The following ACSBG2 variants were observed in gnomAD, a reference collection of about 807,000 sequenced individuals.
The protein encoded by ACSBG2 is long-chain-fatty-acid--CoA ligase ACSBG2.
ACSBG2 carries 62 observed loss-of-function variants against 74.7 expected under a neutral mutation model. The ratio of observed to expected loss-of-function variants is 0.83; its 90% CI spans 0.68 to 1.03. ACSBG2 has a LOEUF of 1.03. Among genes scored for constraint, ACSBG2 ranks in the 50% least tolerant of loss-of-function variants. The probability of loss-of-function intolerance (pLI) is 0.00; values close to 1 mark genes in which losing one functional copy is unlikely to be tolerated. For missense variants in ACSBG2, 730 were observed against 817.6 expected (o/e 0.89, Z 1.31); for synonymous variants, 309 against 294.1 (o/e 1.05, Z -0.52).
At chr19:6,191,784 T>C (rs1425087134) in intron 14 of ACSBG2, 1 of 152,216 alleles carries the variant, frequency 6.6e-6, no homozygotes, top group Admixed American at 6.5e-5. Context: ...TCCATTGTCC[T>C]TTGTTCAACG....
At chr19:6,138,716 A>G (rs117510273) in intron 1 of ACSBG2, among the ~76,000 whole-genome samples, 4,507 of 144,930 alleles carry the variant, frequency 0.031, 88 homozygotes, top group South Asian at 0.063. Flanking sequence ...AAGGGAGGAA[A>G]GAAGGAAGGG....
At chr19:6,176,154 T>TA (rs1318165783) in intron 7 of ACSBG2, 6 of 482,314 alleles carry the variant, frequency 1.2e-5, no homozygotes, top group East Asian at 3.7e-5. Context: ...TCTCCCTGAT[T>TA]AAAAAAACCG....
intron 3 of ACSBG2, among the ~76,000 whole-genome samples, chr19:6,148,870 A>C (rs2089137159): frequency 6.6e-6 from 1 of 152,134 alleles, no homozygotes. Flanking sequence ...TGGGAGGCCA[A>C]GGTGGGCGGA....
intron 10 of ACSBG2, among the ~76,000 whole-genome samples, chr19:6,183,685 G>A (rs1422200347): frequency 7.9e-5 from 12 of 152,088 alleles, no homozygotes; most frequent in Non-Finnish European, 1.6e-4. Context: ...CCAAATTGAG[G>A]TTCAACTCCC....
chr19:6,187,505 C>T lies in ACSBG2; in HGVS notation c.1680+83C>T, dbSNP rs2090441559. The T allele has an allele frequency of 2.5e-6, 4 of 1,602,224 alleles. No individual in the cohort carries two copies. In the Admixed American group the frequency reaches 6.7e-5, roughly 27 times the overall value. On this transcript the variant is annotated intron_variant, in intron 12 of 14. Transcript: ENST00000588485. ...GCCCCACCCCAGGGTCAAGAGGATG[C>T]ATCTGTGGGTTCAAGACCCACTTCT... is the stretch of plus-strand genomic sequence containing the variant.
intron 7 of ACSBG2, 86 bp from the exon 8 acceptor site, chr19:6,177,143 C>T (rs1344888053): frequency 6.9e-7 from 1 of 1,441,926 alleles, no homozygotes; most frequent in Non-Finnish European, 9.4e-7. Flanking sequence ...TCTGGGTGAG[C>T]CCTGTCTGAA....
intron 7 of ACSBG2, among the ~76,000 whole-genome samples, chr19:6,170,246 G>A (rs1462026723): frequency 2.0e-5 from 3 of 151,908 alleles, no homozygotes; most frequent in Non-Finnish European, 2.9e-5. Context: ...ATTATTTTGG[G>A]GTATATTCCT....
chr19:6,135,757 G>C lies in ACSBG2; in HGVS notation c.-184G>C, dbSNP rs1196123032. Reference sequence around the variant, plus strand: ...ATCCTGGCTGGACGGAGAGGGTGACGGGGGCTGGGAAGGGGCAGCTCATGT... The same window carrying C: ...ATCCTGGCTGGACGGAGAGGGTGACCGGGGCTGGGAAGGGGCAGCTCATGT... On this transcript the variant is annotated 5_prime_UTR_variant, in exon 1 of 15. Coordinates refer to ENST00000588485, the MANE Select transcript of ACSBG2 (RefSeq NM_030924.5). 1 of 152,306 alleles carries C rather than the reference G, an allele frequency of 6.6e-6. No homozygotes were observed. Among genetic ancestry groups the C allele is most frequent in the Non-Finnish European group, 1.5e-5 (1 of 68,182 alleles). 9.4% of individuals were successfully genotyped at this position (152,306 alleles called of 1,614,324 possible).
At chr19:6,150,148 G>A (rs2089184701) in intron 3 of ACSBG2, among the ~76,000 whole-genome samples, 1 of 151,574 alleles carries the variant, frequency 6.6e-6, no homozygotes, top group African/African-American at 2.4e-5. Flanking sequence ...TTTCAAGATA[G>A]CTATTCTTTA....
Position 6,152,413 on chromosome 19 carries a change from C to T in ACSBG2, c.386+618C>T. On this transcript the variant is annotated intron_variant, in intron 4 of 14. Coordinates refer to ENST00000588485, the MANE Select transcript of ACSBG2 (RefSeq NM_030924.5). The stretch of plus-strand genomic sequence containing the variant: ...TCACGCCATTCTCCTGCCTCAGGCT[C>T]CCGAGTAGCTGGGACTACAGGCGCC... Among the ~76,000 whole-genome samples the T allele has an allele frequency of 2.7e-5, 2 of 74,260 alleles. 1 individual carries two copies. Among genetic ancestry groups the T allele is most frequent in the Non-Finnish European group, 6.0e-5 (2 of 33,218 alleles). 48.7% of individuals were successfully genotyped at this position (74,260 alleles called of 152,430 possible). A position where few individuals can be genotyped will look rare whatever the true frequency, so the allele number is the denominator to read the frequency against.
At chr19:6,142,872 A>G (rs1273543015) in intron 2 of ACSBG2, among the ~76,000 whole-genome samples, 1 of 152,084 alleles carries the variant, frequency 6.6e-6, no homozygotes, top group Non-Finnish European at 1.5e-5. Context: ...CATCACACAC[A>G]AAGGAGTTTG....
chr19:6,158,096 C>G (rs1480799404), intron 5 of ACSBG2, among the ~76,000 whole-genome samples: 2 of 150,970 alleles, frequency 1.3e-5, no homozygotes, highest in Non-Finnish European at 1.5e-5. Flanking sequence ...CGCTCTGTCG[C>G]CCAGGTTGGA....
intron 7 of ACSBG2, among the ~76,000 whole-genome samples, chr19:6,167,469 T>C (rs1178767823): frequency 6.6e-6 from 1 of 152,144 alleles, no homozygotes; most frequent in Admixed American, 6.5e-5. Context: ...GGAGCTAGGA[T>C]CATCCCCCTG....
chr19:6,183,030 T>C lies in ACSBG2; in HGVS notation c.1089-9T>C. 6.2e-7 allele frequency: 1 copy of C among 1,614,024 alleles called. No individual in the cohort carries two copies. Among genetic ancestry groups the C allele is most frequent in the African/African-American group, 1.3e-5 (1 of 75,038 alleles). Reference sequence around the variant, plus strand: ...GCCCTTCTCCACTTGACGGCATTCTTATTCACAGGAAATATAATACTCCCG... The same window carrying C: ...GCCCTTCTCCACTTGACGGCATTCTCATTCACAGGAAATATAATACTCCCG... On this transcript the variant is annotated splice_polypyrimidine_tract_variant and intron_variant, in intron 9 of 14. Transcript: ENST00000588485.
intron 13 of ACSBG2, 35 bp downstream of exon 13, chr19:6,187,880 G>A (rs2090455834): frequency 6.2e-7 from 1 of 1,606,908 alleles, no homozygotes; most frequent in Non-Finnish European, 8.5e-7. Flanking sequence ...CTGGTCCCTT[G>A]TTAGCATCTG....
Position 6,187,336 on chromosome 19 carries a change from T to C in ACSBG2, c.1594T>C (p.Leu532=). The C allele has an allele frequency of 1.2e-6, 2 of 1,614,092 alleles. No homozygotes were observed. Among genetic ancestry groups the C allele is most frequent in the Non-Finnish European group, 1.7e-6 (2 of 1,180,006 alleles). Residue 532 remains leucine (L), a synonymous_variant, in exon 12 of 15, where the codon TTG becomes CTG. Transcript: ENST00000588485. Reference sequence around the variant, plus strand: ...TGTGCCCCCCATTCCTGTTGAGACCTTGGTTAAGAAGAAGATCCCCATCAT... The same window carrying C: ...TGTGCCCCCCATTCCTGTTGAGACCCTGGTTAAGAAGAAGATCCCCATCAT... ...ENVPPIPVET[L]VKKKIPIISN... is the part of the protein sequence containing the mutation.
At chr19:6,148,220 A>G (rs894270663) in intron 3 of ACSBG2, 3 of 157,198 alleles carry the variant, frequency 1.9e-5, no homozygotes, top group Non-Finnish European at 4.2e-5. Flanking sequence ...TTCACTTCCA[A>G]GCTTACTTAC....
rs777162247 is a variant in ACSBG2, at chr19:6,188,379, G to A, written c.1927+534G>A. On this transcript the variant is annotated intron_variant, in intron 13 of 14. Transcript: ENST00000588485. Reference sequence around the variant, plus strand: ...ATTATGGCCAGGCACAGTGGCTCACGCCTGTAATCCCAACACTTTGGGAGG... The same window carrying A: ...ATTATGGCCAGGCACAGTGGCTCACACCTGTAATCCCAACACTTTGGGAGG... 1.1e-4 allele frequency among the ~76,000 whole-genome samples: 16 copies of A among 152,306 alleles called. No individual in the cohort carries two copies. The East Asian group carries it at 2.9e-3, about 28-fold the overall frequency.
At chr19:6,172,275 A>C (rs1025943938) in intron 7 of ACSBG2, among the ~76,000 whole-genome samples, 1 of 152,192 alleles carries the variant, frequency 6.6e-6, no homozygotes, top group Non-Finnish European at 1.5e-5. Context: ...TTCTACTGCC[A>C]GATTTCTTGC....
Sources: gnomAD v4.1 joint callset for allele counts (sites outside exome capture counted in the v4.1 genomes callset) on GRCh38, gnomAD v4.1.1 for gene constraint, MANE v1.5 for transcripts, NCBI Gene and HGNC (gene_info 2026-07-23, HGNC 2026-07-21) for gene names.